DOK5: variants seen among roughly 807,000 people sequenced by gnomAD.
DOK5 encodes the protein downstream of tyrosine kinase 5.
In DOK5, 27 loss-of-function variants were observed where a neutral mutation model predicts 43.3. That is an observed-to-expected ratio of 0.62 (90% CI 0.46 to 0.86). DOK5 has a LOEUF of 0.86. Ranked by LOEUF, DOK5 falls within the 40% of genes least tolerant of loss-of-function variation. The pLI, the probability that DOK5 is intolerant of heterozygous loss-of-function variation, is 0.00. For synonymous variants in DOK5, 146 were observed against 140.1 expected (o/e 1.04, Z -0.30); for missense variants, 373 against 392.9 (o/e 0.95, Z 0.43).
intron 2 of DOK5, among the ~76,000 whole-genome samples, chr20:54,573,678 C>A (rs1272164144): frequency 7.9e-6 from 1 of 126,014 alleles, no homozygotes; most frequent in South Asian, 2.6e-4. Flanking sequence ...TAGAGGGAGA[C>A]TCCATCTCAA....
chr20:54,531,746 A>G (rs1225968523), intron 1 of DOK5, among the ~76,000 whole-genome samples: 2 of 152,172 alleles, frequency 1.3e-5, no homozygotes, highest in Non-Finnish European at 1.5e-5. Context: ...GGCTCTACTG[A>G]TGTTATGTAT....
chr20:54,620,092 C>T (rs1192764944), intron 6 of DOK5, among the ~76,000 whole-genome samples: 3 of 152,150 alleles, frequency 2.0e-5, no homozygotes, highest in Admixed American at 2.0e-4. Context: ...TCATTTTCCC[C>T]CTCCTGAATT....
intron 5 of DOK5, among the ~76,000 whole-genome samples, chr20:54,601,773 T>C (rs1986305329): frequency 6.6e-6 from 1 of 152,216 alleles, no homozygotes; most frequent in Admixed American, 6.5e-5. Context: ...TTATATCTCA[T>C]AAGGTGTGCT....
At chr20:54,579,887 T>C (rs1985581812) in intron 2 of DOK5, among the ~76,000 whole-genome samples, 1 of 152,144 alleles carries the variant, frequency 6.6e-6, no homozygotes, top group Non-Finnish European at 1.5e-5. Flanking sequence ...CCCATCAACC[T>C]GTCACCTACC....
At chr20:54,511,419 A>C (rs1020189709) in intron 1 of DOK5, among the ~76,000 whole-genome samples, 3 of 152,240 alleles carry the variant, frequency 2.0e-5, no homozygotes, top group Non-Finnish European at 2.9e-5. Flanking sequence ...TGGCCTTACC[A>C]AAAGATGAAC....
chr20:54,525,831 G>A (rs1248961882), intron 1 of DOK5, among the ~76,000 whole-genome samples: 1 of 152,186 alleles, frequency 6.6e-6, no homozygotes, highest in Non-Finnish European at 1.5e-5. Context: ...ATGATAGAGG[G>A]ATTTGTTAGA....
At chr20:54,529,702 C>T (rs8126261) in intron 1 of DOK5, among the ~76,000 whole-genome samples, 23,184 of 152,160 alleles carry the variant, frequency 0.15, 3,719 homozygotes, top group African/African-American at 0.41. Flanking sequence ...AATTCCCGTA[C>T]CCATTAACAG....
chr20:54,602,809 G>C (rs1986338037), intron 5 of DOK5, among the ~76,000 whole-genome samples: 1 of 152,008 alleles, frequency 6.6e-6, no homozygotes, highest in Non-Finnish European at 1.5e-5. Flanking sequence ...GAGTAGCTGG[G>C]ATTATAGTCG....
intron 5 of DOK5, 139 bp downstream of exon 5, chr20:54,591,944 C>A (rs547858803): frequency 3.0e-6 from 2 of 662,562 alleles, no homozygotes; most frequent in Non-Finnish European, 4.9e-6. Flanking sequence ...CATAGAGTTG[C>A]GATTACATAA....
chr20:54,509,733 G>A (rs1157270497), intron 1 of DOK5, among the ~76,000 whole-genome samples: 1 of 152,142 alleles, frequency 6.6e-6, no homozygotes, highest in Admixed American at 6.6e-5. Flanking sequence ...AATTCTGTAA[G>A]TTAAAACTCA....
rs899605886 is a variant in DOK5, at chr20:54,506,913, C to G, written c.66+30901C>G. ...AGTGCAGCTTTCGGGGAATCACAGACTCTGCCTGGGTCCTAAACATGATTT... is the reference window on the plus strand; with the variant it reads ...AGTGCAGCTTTCGGGGAATCACAGAGTCTGCCTGGGTCCTAAACATGATTT... On this transcript the variant is annotated intron_variant, in intron 1 of 7. Coordinates refer to ENST00000262593, the MANE Select transcript of DOK5 (RefSeq NM_018431.5). Among the ~76,000 whole-genome samples the G allele has an allele frequency of 1.6e-4, 24 of 152,334 alleles. 3 individuals are homozygous for G. In the South Asian group the frequency reaches 5.0e-3, roughly 32 times the overall value.
intron 1 of DOK5, among the ~76,000 whole-genome samples, chr20:54,490,334 A>G (rs1447364440): frequency 6.6e-6 from 1 of 152,208 alleles, no homozygotes; most frequent in African/African-American, 2.4e-5. Flanking sequence ...GAAATGATAC[A>G]TATATACATA....
chr20:54,644,994 ACTC>A (rs1979329566), intron 7 of DOK5, among the ~76,000 whole-genome samples: 1 of 131,672 alleles, frequency 7.6e-6, no homozygotes, highest in South Asian at 2.4e-4. Flanking sequence ...TTGTAAAAAA[ACTC>A]TTTTTTTTTT....
intron 2 of DOK5, among the ~76,000 whole-genome samples, chr20:54,585,778 A>G (rs549791261): frequency 6.6e-6 from 1 of 152,334 alleles, no homozygotes; most frequent in South Asian, 2.1e-4. Context: ...AGGTGATAAT[A>G]GTAATATTTA....
intron 6 of DOK5, among the ~76,000 whole-genome samples, chr20:54,639,058 G>A (rs1978986446): frequency 6.6e-6 from 1 of 152,172 alleles, no homozygotes; most frequent in African/African-American, 2.4e-5. Flanking sequence ...GGTTGTGTTG[G>A]TTCCTAAGCA....
At chr20:54,502,409 C>A (rs1434091396) in intron 1 of DOK5, among the ~76,000 whole-genome samples, 3 of 152,108 alleles carry the variant, frequency 2.0e-5, no homozygotes, top group Non-Finnish European at 2.9e-5. Context: ...TTTAATGAGT[C>A]ATTTTAGGAT....
At chr20:54,506,196 T>A (rs1352380510) in intron 1 of DOK5, among the ~76,000 whole-genome samples, 4 of 152,134 alleles carry the variant, frequency 2.6e-5, no homozygotes, top group Non-Finnish European at 5.9e-5. Flanking sequence ...TCAGGAAGAC[T>A]TTGATACTTT....
intron 1 of DOK5, among the ~76,000 whole-genome samples, chr20:54,521,740 C>G (rs1354083967): frequency 6.6e-6 from 1 of 152,152 alleles, no homozygotes; most frequent in African/African-American, 2.4e-5. Context: ...TCCTCTCCAG[C>G]TGGGGTTGGG....
chr20:54,539,858 G>T (rs1158208847), intron 1 of DOK5, among the ~76,000 whole-genome samples: 5 of 152,238 alleles, frequency 3.3e-5, no homozygotes, highest in Admixed American at 6.5e-5. Context: ...GATTGGTTAT[G>T]CAACAATAAC....
Sources: allele counts gnomAD v4.1 joint callset (sites outside exome capture counted in the v4.1 genomes callset), GRCh38; gene constraint gnomAD v4.1.1; transcripts MANE v1.5; gene names NCBI Gene and HGNC (gene_info 2026-07-23, HGNC 2026-07-21).